DCUN1D1: variants seen among roughly 807,000 people sequenced by gnomAD.
The protein encoded by DCUN1D1 is defective in cullin neddylation 1 domain containing 1.
A neutral mutation model predicts 39.0 loss-of-function variants in DCUN1D1; 3 were observed. That is an observed-to-expected ratio of 0.08 (90% confidence interval 0.04 to 0.20). The LOEUF is 0.20. Among genes scored for constraint, DCUN1D1 ranks in the 10% least tolerant of loss-of-function variants. DCUN1D1 has a pLI of 1.00. For missense variants in DCUN1D1, 158 were observed against 302.4 expected, an observed-to-expected ratio of 0.52 and a Z score of 3.54; for synonymous variants, 82 against 96.3, an observed-to-expected ratio of 0.85 and a Z score of 0.87.
In DCUN1D1 at chr3:182,938,505, G is replaced by C. The variant is rs1244496546; in HGVS notation, c.*6589C>G. The C allele has an allele frequency of 3.9e-5, 6 of 152,108 alleles. No homozygotes were observed. The allele number at this position is 152,108 out of a possible 1,614,324, so 9.4% of individuals were successfully genotyped here. ...CATACATATTGAAATATTTACAAAT[G>C]AAATGATTTGCTATCTGGGATTTGC... On this transcript the variant is annotated 3_prime_UTR_variant, in exon 7 of 7. Coordinates refer to ENST00000292782, the MANE Select transcript of DCUN1D1 (RefSeq NM_020640.4).
At chr3:182,954,040 G>A (rs1257399702) in intron 4 of DCUN1D1, among the ~76,000 whole-genome samples, 2 of 152,126 alleles carry the variant, frequency 1.3e-5, no homozygotes, top group South Asian at 2.1e-4. Context: ...ATGGAATGGT[G>A]ATTAAAAATC....
intron 1 of DCUN1D1, among the ~76,000 whole-genome samples, chr3:182,969,840 C>T (rs1727844129): frequency 1.3e-5 from 2 of 152,126 alleles, no homozygotes; most frequent in Non-Finnish European, 2.9e-5. Flanking sequence ...ATAATCTGAA[C>T]AGTAAAATGA....
At chr3:182,965,855 C>T (rs1180491106) in intron 1 of DCUN1D1, 102 bp from the exon 2 acceptor site, 1 of 736,742 alleles carries the variant, frequency 1.4e-6, no homozygotes, top group East Asian at 2.6e-5. Context: ...TTTTTCCTCA[C>T]AAAACATTAA....
At chr3:182,978,708 C>CAT (rs1728367868) in intron 1 of DCUN1D1, among the ~76,000 whole-genome samples, 1 of 152,070 alleles carries the variant, frequency 6.6e-6, no homozygotes, top group African/African-American at 2.4e-5. Context: ...GAGAATATCA[C>CAT]GACAATTCTC....
intron 1 of DCUN1D1, among the ~76,000 whole-genome samples, chr3:182,976,511 C>T (rs1302339943): frequency 2.6e-5 from 4 of 151,678 alleles, no homozygotes; most frequent in Non-Finnish European, 2.9e-5. Flanking sequence ...ATTGGTCTCA[C>T]TGTTCCTCAA....
At chr3:182,981,301 C>T (rs1259602312), upstream of DCUN1D1, among the ~76,000 whole-genome samples, 1 of 152,132 alleles carries the variant, frequency 6.6e-6, no homozygotes, top group Non-Finnish European at 1.5e-5. Context: ...CAGTTCGGCC[C>T]GCCCAGGATA....
Position 182,947,372 on chromosome 3 carries a change from T to TA in DCUN1D1, c.604-39dup, listed in dbSNP as rs1726468003. 4 of 1,391,586 alleles carry TA rather than the reference T, an allele frequency of 2.9e-6. No individual in the cohort carries two copies. In the East Asian group the frequency reaches 9.4e-5, roughly 33 times the overall value. The allele number at this position is 1,391,586 out of a possible 1,614,324, so 86.2% of individuals were successfully genotyped here. On this transcript the variant is annotated intron_variant, in intron 5 of 6. Coordinates refer to ENST00000292782, the MANE Select transcript of DCUN1D1 (RefSeq NM_020640.4). ...CAAAAACAAAATACATTTGTATCAC[T>TA]AAAAAGAGCTGCACAAAAACAGTTT...
At position 182,940,396 on chromosome 3, in the gene DCUN1D1, A is replaced by G. The variant is rs942220780; in HGVS notation, c.*4698T>C. 5.3e-5 allele frequency: 8 copies of G among 152,274 alleles called. 1 individual carries two copies. The highest frequency in any genetic ancestry group is 1.3e-4 in the Admixed American group (2 of 15,274). The allele number at this position is 152,274 out of a possible 1,614,324, so 9.4% of individuals were successfully genotyped here. A position where few individuals can be genotyped will look rare whatever the true frequency, so the allele number is the denominator to read the frequency against. ...AGTTTCAAACACTTCATTGTTTCCAATCAGGCTTTGTTTTTACGATGTGGG... is the reference window on the plus strand; with the variant it reads ...AGTTTCAAACACTTCATTGTTTCCAGTCAGGCTTTGTTTTTACGATGTGGG... On this transcript the variant is annotated 3_prime_UTR_variant, in exon 7 of 7. Coordinates refer to ENST00000292782, the MANE Select transcript of DCUN1D1 (RefSeq NM_020640.4).
At chr3:182,962,551 A>T (rs549495871) in intron 3 of DCUN1D1, among the ~76,000 whole-genome samples, 11 of 152,258 alleles carry the variant, frequency 7.2e-5, no homozygotes, top group Non-Finnish European at 1.0e-4. Context: ...CCAGCATCAC[A>T]GCTGGCCACA....
intron 4 of DCUN1D1, among the ~76,000 whole-genome samples, chr3:182,948,636 C>T (rs1373114840): frequency 1.3e-5 from 2 of 152,144 alleles, no homozygotes; most frequent in African/African-American, 4.8e-5. Flanking sequence ...AAAATTACAT[C>T]CTAAGTAACT....
At chr3:182,973,086 T>G (rs1279223900) in intron 1 of DCUN1D1, among the ~76,000 whole-genome samples, 1 of 152,072 alleles carries the variant, frequency 6.6e-6, no homozygotes, top group Non-Finnish European at 1.5e-5. Flanking sequence ...TCCCCTCTTA[T>G]CCACATGGGG....
At chr3:182,965,281 T>G (rs1302498434) in intron 2 of DCUN1D1, among the ~76,000 whole-genome samples, 1 of 152,142 alleles carries the variant, frequency 6.6e-6, no homozygotes, top group African/African-American at 2.4e-5. Context: ...TTTATACATA[T>G]GAGGGCAGAA....
At chr3:182,953,391 T>C (rs1014569912) in intron 4 of DCUN1D1, among the ~76,000 whole-genome samples, 16 of 152,212 alleles carry the variant, frequency 1.1e-4, no homozygotes, top group Non-Finnish European at 1.9e-4. Flanking sequence ...TTATAAGTGA[T>C]GAAGAGAGCA....
intron 1 of DCUN1D1, among the ~76,000 whole-genome samples, chr3:182,975,427 C>T (rs1293052168): frequency 2.0e-5 from 3 of 152,012 alleles, no homozygotes; most frequent in South Asian, 4.1e-4. Flanking sequence ...CCGCCCGCCT[C>T]AGCCCCCCGA....
intron 1 of DCUN1D1, among the ~76,000 whole-genome samples, chr3:182,975,732 T>G (rs13071319): frequency 0.013 from 1,471 of 116,102 alleles, 20 homozygotes; most frequent in South Asian, 0.021. Flanking sequence ...AAAATGGGAG[T>G]AGGTGAGGGT....
chr3:182,958,898 T>C (rs1289560744), intron 4 of DCUN1D1, among the ~76,000 whole-genome samples: 1 of 152,166 alleles, frequency 6.6e-6, no homozygotes, highest in Non-Finnish European at 1.5e-5. Context: ...AAAACACCAT[T>C]TATTTTGTGC....
intron 1 of DCUN1D1, among the ~76,000 whole-genome samples, chr3:182,970,704 G>T (rs1267466396): frequency 6.6e-6 from 1 of 152,284 alleles, no homozygotes; most frequent in East Asian, 1.9e-4. Context: ...TAAAAGCTCT[G>T]TATGTTGTTA....
intron 2 of DCUN1D1, 58 bp from the exon 3 acceptor site, chr3:182,964,107 C>A: frequency 6.9e-7 from 1 of 1,454,138 alleles, no homozygotes; most frequent in Admixed American, 1.9e-5. Context: ...ATTATGAAAA[C>A]TGAAAAAGGT....
intron 2 of DCUN1D1, among the ~76,000 whole-genome samples, chr3:182,964,272 A>G (rs1436720767): frequency 6.6e-6 from 1 of 152,330 alleles, no homozygotes; most frequent in South Asian, 2.1e-4. Context: ...ATGATTTTTT[A>G]AAGTCTCATT....
Sources: gnomAD v4.1 joint callset for allele counts (sites outside exome capture counted in the v4.1 genomes callset) on GRCh38, gnomAD v4.1.1 for gene constraint, MANE v1.5 for transcripts, NCBI Gene and HGNC (gene_info 2026-07-23, HGNC 2026-07-21) for gene names.